The following CDYL2 variants were observed in gnomAD, a reference collection of about 807,000 sequenced individuals.
CDYL2 encodes the protein chromodomain Y-like protein 2.
CDYL2 carries 23 observed loss-of-function variants against 49.4 expected under a neutral mutation model. The ratio of observed to expected loss-of-function variants is 0.47; its 90% CI spans 0.34 to 0.66. The LOEUF is 0.66. Ranked by LOEUF, CDYL2 falls within the 30% of genes least tolerant of loss-of-function variation. CDYL2 has a pLI of 0.01. For missense variants in CDYL2, 678 were observed against 656.4 expected (o/e 1.03, Z -0.36); for synonymous variants, 360 against 268.8 (o/e 1.34, Z -3.32).
intron 3 of CDYL2, among the ~76,000 whole-genome samples, chr16:80,623,752 G>A (rs1907186113): frequency 6.6e-6 from 1 of 152,170 alleles, no homozygotes; most frequent in East Asian, 1.9e-4. Flanking sequence ...AGTATGGGGT[G>A]GAGCTAGACT....
intron 1 of CDYL2, 46 bp downstream of exon 1, chr16:80,804,104 C>CGCCGCCCGCT: frequency 9.8e-7 from 1 of 1,017,232 alleles, no homozygotes. Flanking sequence ...CGCCGCCCGC[C>CGCCGCCCGCT]GCCGCCCGCT....
chr16:80,711,317 A>G (rs1394915898), intron 1 of CDYL2, among the ~76,000 whole-genome samples: 2 of 152,168 alleles, frequency 1.3e-5, no homozygotes, highest in East Asian at 3.9e-4. Context: ...CGTATCTTGA[A>G]CCATTTGTGT....
In CDYL2 at chr16:80,612,409, C is replaced by T. The variant is rs1370305448; in HGVS notation, c.1218+217G>A. Reference sequence around the variant, plus strand: ...GGGTTGGAGTGAGGAATAATTGAGACGCCATGCAGAGTGCATGGTCCATAC... The same window carrying T: ...GGGTTGGAGTGAGGAATAATTGAGATGCCATGCAGAGTGCATGGTCCATAC... On this transcript the variant is annotated intron_variant, in intron 5 of 6. Coordinates refer to ENST00000570137, the MANE Select transcript of CDYL2 (RefSeq NM_152342.4). The surrounding 1 kb of genome is among the most constrained non-coding windows in gnomAD (Gnocchi z 5.0). Among the ~76,000 whole-genome samples the T allele has an allele frequency of 3.3e-5, 5 of 152,202 alleles. No individual in the cohort carries two copies. The highest frequency in any genetic ancestry group is 3.9e-4 in the East Asian group (2 of 5,192).
At chr16:80,706,324 G>A (rs1307452090) in intron 1 of CDYL2, among the ~76,000 whole-genome samples, 1 of 152,170 alleles carries the variant, frequency 6.6e-6, no homozygotes, top group Non-Finnish European at 1.5e-5. Flanking sequence ...TCAAAAACAG[G>A]AGGGCAATGC....
At chr16:80,691,431 C>T (rs1185486571) in intron 1 of CDYL2, among the ~76,000 whole-genome samples, 2 of 152,188 alleles carry the variant, frequency 1.3e-5, no homozygotes, top group African/African-American at 4.8e-5. Context: ...AGGGAAATGG[C>T]TGTCAGACCA....
chr16:80,604,516 T>A lies in CDYL2; in HGVS notation c.1393A>T (p.Ser465Cys). The change falls in exon 7 of 7, where the codon AGC becomes TGC. Residue 465 changes from serine to cysteine, a missense_variant. Physicochemically the swap from Ser to Cys is moderately radical, Grantham distance 112. Coordinates refer to ENST00000570137, the MANE Select transcript of CDYL2 (RefSeq NM_152342.4). ...VLEESKCLVR[S>C]FLKSVLEDVN... ...TCTTCCAGCACTGATTTCAGGAAGCTCCGCACGAGGCATTTGGACTCCTCT... is the reference window on the plus strand; with the variant it reads ...TCTTCCAGCACTGATTTCAGGAAGCACCGCACGAGGCATTTGGACTCCTCT... 1 of 1,614,138 alleles carries A rather than the reference T, an allele frequency of 6.2e-7. No individual in the cohort carries two copies. Among genetic ancestry groups the A allele is most frequent in the South Asian group, 1.1e-5 (1 of 91,080 alleles).
chr16:80,624,214 G>A (rs1013586485), intron 3 of CDYL2, among the ~76,000 whole-genome samples: 1 of 152,204 alleles, frequency 6.6e-6, no homozygotes, highest in Admixed American at 6.5e-5. Context: ...GGAAGCCTAT[G>A]ATGGAATCGG....
intron 1 of CDYL2, among the ~76,000 whole-genome samples, chr16:80,743,144 C>T (rs1374461687): frequency 2.0e-5 from 3 of 152,104 alleles, no homozygotes; most frequent in Non-Finnish European, 4.4e-5. Flanking sequence ...TTTCCACTTA[C>T]ATGTATTGAA....
rs1287475171 is a variant in CDYL2 at position 80,804,455 on chromosome 16, G to C, written c.-282C>G. The C allele has an allele frequency of 6.8e-6, 1 of 146,044 alleles. No homozygotes were observed. The highest frequency in any genetic ancestry group is 2.5e-5 in the African/African-American group (1 of 40,518). 9.0% of individuals were successfully genotyped at this position (146,044 alleles called of 1,614,324 possible). A position where few individuals can be genotyped will look rare whatever the true frequency, so the allele number is the denominator to read the frequency against. ...GCAGCGACGGCCGCGCAGCGCGCCC[G>C]GGAGGCACGGACGCGGCCCGAGCGC... is the stretch of plus-strand genomic sequence containing the variant. On this transcript the variant is annotated 5_prime_UTR_variant, in exon 1 of 7. Coordinates refer to ENST00000570137, the MANE Select transcript of CDYL2 (RefSeq NM_152342.4).
intron 2 of CDYL2, among the ~76,000 whole-genome samples, chr16:80,655,007 T>C (rs907702207): frequency 1.3e-5 from 2 of 152,172 alleles, no homozygotes; most frequent in African/African-American, 2.4e-5. Context: ...CCCAGGCAGA[T>C]CCAGGGCACG....
At chr16:80,749,965 C>A (rs895961884) in intron 1 of CDYL2, among the ~76,000 whole-genome samples, 2 of 152,124 alleles carry the variant, frequency 1.3e-5, no homozygotes, top group South Asian at 4.2e-4. Context: ...AACCATCATT[C>A]TCAGCAAACT....
intron 2 of CDYL2, among the ~76,000 whole-genome samples, chr16:80,639,381 T>A (rs1474032806): frequency 2.0e-5 from 3 of 152,112 alleles, no homozygotes; most frequent in African/African-American, 7.2e-5. Context: ...AATCTTATAG[T>A]CACAAAACAA....
chr16:80,705,307 G>T (rs970938752), intron 1 of CDYL2, among the ~76,000 whole-genome samples: 6 of 152,236 alleles, frequency 3.9e-5, no homozygotes, highest in Non-Finnish European at 7.3e-5. Context: ...CGGGCAGGGA[G>T]ATTCCTGTCT....
At chr16:80,640,395 G>C (rs1908031442) in intron 2 of CDYL2, among the ~76,000 whole-genome samples, 2 of 152,134 alleles carry the variant, frequency 1.3e-5, no homozygotes, top group African/African-American at 4.8e-5. Flanking sequence ...CCTGCTAACT[G>C]AAGAGCCCTG....
rs1303516223 is a variant in CDYL2 at position 80,600,100 on chromosome 16, T to C, written c.*4288A>G. The stretch of plus-strand genomic sequence containing the variant: ...TTACGGGGAGATCTTAAACTACTTA[T>C]GTAGTTGCAAAGTTGAAAAATTTAC... On this transcript the variant is annotated 3_prime_UTR_variant, in exon 7 of 7. Coordinates refer to ENST00000570137, the MANE Select transcript of CDYL2 (RefSeq NM_152342.4). 8.5e-5 allele frequency: 13 copies of C among 152,242 alleles called. No individual in the cohort carries two copies. Among genetic ancestry groups the C allele is most frequent in the Admixed American group, 3.9e-4 (6 of 15,278 alleles). The allele number at this position is 152,242 out of a possible 1,614,324, so 9.4% of individuals were successfully genotyped here. A position where few individuals can be genotyped will look rare whatever the true frequency, so the allele number is the denominator to read the frequency against.
chr16:80,796,496 C>A (rs1425034289), intron 1 of CDYL2, among the ~76,000 whole-genome samples: 1 of 152,138 alleles, frequency 6.6e-6, no homozygotes, highest in African/African-American at 2.4e-5. Flanking sequence ...TCTTAATGAA[C>A]AAAATTTTTG....
At chr16:80,656,833 G>A (rs1166193561) in intron 2 of CDYL2, among the ~76,000 whole-genome samples, 2 of 152,272 alleles carry the variant, frequency 1.3e-5, no homozygotes, top group South Asian at 2.1e-4. Flanking sequence ...GAAGATGTGG[G>A]TTCTTCAAAG....
At chr16:80,627,806 A>AT (rs1393442800) in intron 3 of CDYL2, 1 of 152,202 alleles carries the variant, frequency 6.6e-6, no homozygotes, top group African/African-American at 2.4e-5. Context: ...ACTGCTATGC[A>AT]TTTTGAAGTC....
chr16:80,800,493 T>C (rs543004905), intron 1 of CDYL2, among the ~76,000 whole-genome samples: 6 of 152,188 alleles, frequency 3.9e-5, no homozygotes, highest in Non-Finnish European at 7.4e-5. Flanking sequence ...TTTTGCAGAA[T>C]GCCAGGTGCA....
Sources: gnomAD v4.1 joint callset for allele counts (sites outside exome capture counted in the v4.1 genomes callset) on GRCh38, gnomAD v4.1.1 for gene constraint, Gnocchi (gnomAD v3.1) non-coding constraint, MANE v1.5 for transcripts, NCBI Gene and HGNC (gene_info 2026-07-23, HGNC 2026-07-21) for gene names.